The following UBQLN1 variants were observed in gnomAD, a reference collection of about 807,000 sequenced individuals.
UBQLN1 encodes the protein ubiquilin-1.
In UBQLN1, 13 loss-of-function variants were observed where a neutral mutation model predicts 65.4. That is an observed-to-expected ratio of 0.20 (90% confidence interval 0.13 to 0.32). The LOEUF is 0.32. Ranked by LOEUF, UBQLN1 falls within the 10% of genes least tolerant of loss-of-function variation. UBQLN1 has a pLI of 1.00. For synonymous variants in UBQLN1, 267 were observed against 247.8 expected (o/e 1.08, Z -0.73); for missense variants, 561 against 724.0 (o/e 0.77, Z 2.58).
intron 6 of UBQLN1, among the ~76,000 whole-genome samples, chr9:83,672,540 A>G (rs1831751050): frequency 6.6e-6 from 1 of 152,258 alleles, no homozygotes; most frequent in East Asian, 1.9e-4. Context: ...CAAGTGGAAC[A>G]GCCAGTCAGT....
Position 83,660,548 on chromosome 9 carries a change from T to G in UBQLN1, c.*1239A>C, listed in dbSNP as rs1831546801. 6.6e-6 allele frequency: 1 copy of G among 152,404 alleles called. No homozygotes were observed. Among genetic ancestry groups the G allele is most frequent in the African/African-American group, 2.4e-5 (1 of 41,432 alleles). The allele number at this position is 152,404 out of a possible 1,614,324, so 9.4% of individuals were successfully genotyped here. On this transcript the variant is annotated 3_prime_UTR_variant, in exon 11 of 11. Transcript: ENST00000376395. Reference sequence around the variant, plus strand: ...ACTCAACATCATTAAAACGGCTCTTTGTTTTTCACCCCTGAATGATACTTC... The same window carrying G: ...ACTCAACATCATTAAAACGGCTCTTGGTTTTTCACCCCTGAATGATACTTC...
chr9:83,668,070 G>A, intron 7 of UBQLN1: 1 of 985,236 alleles, frequency 1.0e-6, no homozygotes, highest in South Asian at 4.7e-5. Flanking sequence ...GGCTTATTAT[G>A]GTAAATTGAA....
intron 4 of UBQLN1, among the ~76,000 whole-genome samples, chr9:83,679,513 A>G (rs1488118797): frequency 6.6e-6 from 1 of 152,240 alleles, no homozygotes; most frequent in Non-Finnish European, 1.5e-5. Context: ...GCACTTTGTT[A>G]TGAGTGAATT....
Position 83,686,134 on chromosome 9 carries a change from G to T in UBQLN1, c.202C>A (p.Arg68Ser). ...VQQFKEEISK[R>S]FKSHTDQLVL... ...AGTTGGTCAGTATGTGATTTAAAACGTTTAGAGATTTCTTCCTTAAACTAA... is the reference window on the plus strand; with the variant it reads ...AGTTGGTCAGTATGTGATTTAAAACTTTTAGAGATTTCTTCCTTAAACTAA... Residue 68 changes from arginine to serine, a missense_variant, in exon 2 of 11, where the codon CGT becomes AGT. Physicochemically the swap from Arg to Ser is moderately radical, Grantham distance 110. Coordinates refer to ENST00000376395, the MANE Select transcript of UBQLN1 (RefSeq NM_013438.5). The T allele has an allele frequency of 6.3e-7, 1 of 1,581,266 alleles. No homozygotes were observed. Among genetic ancestry groups the T allele is most frequent in the Non-Finnish European group, 8.6e-7 (1 of 1,167,242 alleles).
intron 8 of UBQLN1, among the ~76,000 whole-genome samples, chr9:83,665,545 T>A (rs951591253): frequency 6.6e-6 from 1 of 152,196 alleles, no homozygotes; most frequent in Non-Finnish European, 1.5e-5. Flanking sequence ...GTTACTAATA[T>A]AACAATTTTA....
At position 83,660,541 on chromosome 9, in the gene UBQLN1, G is replaced by A. The variant is rs932949411; in HGVS notation, c.*1246C>T. On this transcript the variant is annotated 3_prime_UTR_variant, in exon 11 of 11. Coordinates refer to ENST00000376395, the MANE Select transcript of UBQLN1 (RefSeq NM_013438.5). ...CAAATGTACTCAACATCATTAAAAC[G>A]GCTCTTTGTTTTTCACCCCTGAATG... 3 of 152,350 alleles carry A rather than the reference G, an allele frequency of 2.0e-5. No individual in the cohort carries two copies. Among genetic ancestry groups the A allele is most frequent in the Non-Finnish European group, 2.9e-5 (2 of 68,026 alleles). The allele number at this position is 152,350 out of a possible 1,614,324, so 9.4% of individuals were successfully genotyped here. A position where few individuals can be genotyped will look rare whatever the true frequency, so the allele number is the denominator to read the frequency against.
In UBQLN1 at chr9:83,677,881, T is replaced by C. The variant is rs1319083630; in HGVS notation, c.951A>G (p.Arg317=). 19 of 1,614,070 alleles carry C rather than the reference T, an allele frequency of 1.2e-5. No homozygotes were observed. In the Admixed American group the frequency reaches 3.2e-4, roughly 27 times the overall value. ...EGSQPSRTEN[R]DPLPNPWAPQ... is the part of the protein sequence containing the mutation. The stretch of plus-strand genomic sequence containing the variant: ...GAGCCCATGGATTGGGTAGTGGATC[T>C]CTATTTTCTGTACGGGAAGGTTGAC... Residue 317 remains arginine (R), a synonymous_variant, in exon 6 of 11, where the codon AGA becomes AGG. Coordinates refer to ENST00000376395, the MANE Select transcript of UBQLN1 (RefSeq NM_013438.5).
chr9:83,693,507 C>T (rs571684564), intron 1 of UBQLN1, among the ~76,000 whole-genome samples: 1 of 152,070 alleles, frequency 6.6e-6, no homozygotes, highest in South Asian at 2.1e-4. Flanking sequence ...GTCTTGAAAG[C>T]ATACCTTCTT....
intron 4 of UBQLN1, 111 bp from the exon 5 acceptor site, chr9:83,678,710 TTTG>T: frequency 3.4e-6 from 4 of 1,185,028 alleles, no homozygotes; most frequent in Non-Finnish European, 4.7e-6. Context: ...AGGCCACTGT[TTTG>T]TTTTGTTTTT....
In UBQLN1 at chr9:83,663,895, G is replaced by A; in HGVS notation, c.1597C>T (p.Leu533Phe). The A allele has an allele frequency of 6.2e-7, 1 of 1,613,926 alleles. No homozygotes were observed. The highest frequency in any genetic ancestry group is 8.5e-7 in the Non-Finnish European group (1 of 1,179,914). The change falls in exon 10 of 11, where the codon CTT becomes TTT. Residue 533 changes from leucine to phenylalanine, a missense_variant. Physicochemically the swap from Leu to Phe is conservative, Grantham distance 22 (BLOSUM62 0). Transcript: ENST00000376395. ...QQFIQQMLQALAGVNPQLQNP... is the reference protein window; with the variant it reads ...QQFIQQMLQAFAGVNPQLQNP... Reference sequence around the variant, plus strand: ...GATACCTGAGGATTTACTCCAGCAAGAGCCTGCAGCATCTGCTGAATAAAC... The same window carrying A: ...GATACCTGAGGATTTACTCCAGCAAAAGCCTGCAGCATCTGCTGAATAAAC...
In UBQLN1 at chr9:83,683,046, T is replaced by C; in HGVS notation, c.353A>G (p.Gln118Arg). The part of the protein sequence containing the change: ...TQNRPQDHSA[Q>R]QTNTAGSNVT... ...ATTGCTTCCAGCTGTATTTGTTTGC[T>C]GAGCTGAATGATCCTGAGGCCTAGG... Residue 118 changes from glutamine (Q) to arginine (R), a missense_variant, in exon 3 of 11, where the codon CAG (glutamine) becomes CGG (arginine). Around this residue, in one of 8 missense-constraint regions of UBQLN1, gnomAD observed 87 missense variants for 88.8 expected, o/e 0.98. Coordinates refer to ENST00000376395, the MANE Select transcript of UBQLN1 (RefSeq NM_013438.5). 1 of 1,611,346 alleles carries C rather than the reference T, an allele frequency of 6.2e-7. No homozygotes were observed. The highest frequency in any genetic ancestry group is 8.5e-7 in the Non-Finnish European group (1 of 1,179,190).
At chr9:83,684,811 A>T (rs896024423) in intron 2 of UBQLN1, among the ~76,000 whole-genome samples, 16 of 125,690 alleles carry the variant, frequency 1.3e-4, no homozygotes, top group African/African-American at 4.8e-4. Context: ...ATTCCGTCTC[A>T]AAAAAAAAAA....
Position 83,707,808 on chromosome 9 carries a change from A to C in UBQLN1, c.-129T>G. 7.5e-7 allele frequency: 1 copy of C among 1,340,436 alleles called. No individual in the cohort carries two copies. Among genetic ancestry groups the C allele is most frequent in the Non-Finnish European group, 9.7e-7 (1 of 1,031,096 alleles). The allele number at this position is 1,340,436 out of a possible 1,614,324, so 83.0% of individuals were successfully genotyped here. The stretch of plus-strand genomic sequence containing the variant: ...ATGCAGAGCACGCCGCCTCAGTAGC[A>C]ACGGGCGCAGGGCCACCGTAGCGGG... On this transcript the variant is annotated 5_prime_UTR_variant, in exon 1 of 11. Transcript: ENST00000376395.
chr9:83,682,825 T>TA (rs57150962), intron 3 of UBQLN1, 126 bp downstream of exon 3: 4 of 266,142 alleles, frequency 1.5e-5, no homozygotes, highest in Non-Finnish European at 2.7e-5. Context: ...GGAATGTATG[T>TA]TTTTTTTTTT....
intron 7 of UBQLN1, chr9:83,667,569 A>G (rs1437046351): frequency 1.0e-6 from 1 of 985,346 alleles, no homozygotes; most frequent in Non-Finnish European, 1.2e-6. Context: ...GTAAACTCAT[A>G]CAGGCTTAAG....
intron 1 of UBQLN1, among the ~76,000 whole-genome samples, chr9:83,705,404 C>T (rs1253371443): frequency 6.6e-6 from 1 of 152,170 alleles, no homozygotes; most frequent in Admixed American, 6.5e-5. Context: ...TGCCTGCCAC[C>T]ACGCCCAGCT....
intron 1 of UBQLN1, among the ~76,000 whole-genome samples, chr9:83,694,876 C>T (rs1564171330): frequency 6.6e-6 from 1 of 152,152 alleles, no homozygotes. Context: ...GCCAGTGAGG[C>T]TGAGATGATT....
intron 2 of UBQLN1, among the ~76,000 whole-genome samples, chr9:83,684,090 T>C (rs1472075226): frequency 6.6e-6 from 1 of 152,186 alleles, no homozygotes; most frequent in Non-Finnish European, 1.5e-5. Flanking sequence ...TTGAGGGTTA[T>C]GAGCCAGTTT....
At chr9:83,696,647 A>G (rs982931815) in intron 1 of UBQLN1, among the ~76,000 whole-genome samples, 2 of 8,036 alleles carry the variant, frequency 2.5e-4, no homozygotes, top group Admixed American at 3.8e-3. Flanking sequence ...TAAAAAAGGA[A>G]AAAAAAAAAA....
Sources: gnomAD v4.1 joint callset for allele counts (sites outside exome capture counted in the v4.1 genomes callset) on GRCh38, gnomAD v4.1.1 for gene constraint, gnomAD v4.1.1 regional missense constraint, MANE v1.5 for transcripts, NCBI Gene and HGNC (gene_info 2026-07-23, HGNC 2026-07-21) for gene names.